PDE4B: variants seen among roughly 807,000 people sequenced by gnomAD.
PDE4B encodes 3',5'-cyclic-AMP phosphodiesterase 4B.
A neutral mutation model predicts 82.2 loss-of-function variants in PDE4B; 20 were observed. That is an observed-to-expected ratio of 0.24 (90% CI 0.17 to 0.35). The LOEUF is 0.35. Ranked by LOEUF, PDE4B falls within the 10% of genes least tolerant of loss-of-function variation. PDE4B has a pLI of 1.00. For synonymous variants in PDE4B, 320 were observed against 318.9 expected, an observed-to-expected ratio of 1.00 and a Z score of -0.04; for missense variants, 655 against 907.2, an observed-to-expected ratio of 0.72 and a Z score of 3.57.
chr1:66,297,570 G>T (rs998348682), intron 7 of PDE4B, among the ~76,000 whole-genome samples: 8 of 152,080 alleles, frequency 5.3e-5, no homozygotes, highest in Admixed American at 5.2e-4. Context: ...GTTTTACCTT[G>T]CTTTTACTTT....
intron 3 of PDE4B, among the ~76,000 whole-genome samples, chr1:66,008,136 G>A (rs1190571444): frequency 1.3e-5 from 2 of 152,102 alleles, no homozygotes; most frequent in Non-Finnish European, 2.9e-5. Context: ...GACTCATGGG[G>A]TTTAATTTGG....
intron 7 of PDE4B, among the ~76,000 whole-genome samples, chr1:66,294,797 A>T (rs1463021862): frequency 6.6e-6 from 1 of 152,126 alleles, no homozygotes; most frequent in Non-Finnish European, 1.5e-5. Flanking sequence ...TTAAAAGAGA[A>T]AGGGGAGGAA....
chr1:65,979,271 T>A (rs777701512), intron 3 of PDE4B, among the ~76,000 whole-genome samples: 9 of 152,218 alleles, frequency 5.9e-5, no homozygotes, highest in Non-Finnish European at 1.0e-4. Context: ...CAGCATATAG[T>A]ATTCTGTACA....
chr1:65,846,244 G>A (rs1646267019), intron 1 of PDE4B, among the ~76,000 whole-genome samples: 1 of 152,190 alleles, frequency 6.6e-6, no homozygotes. Flanking sequence ...TGAGGAGAAA[G>A]CACAGAGAGA....
intron 3 of PDE4B, among the ~76,000 whole-genome samples, chr1:65,949,633 C>A (rs1036667099): frequency 2.6e-5 from 4 of 152,050 alleles, no homozygotes; most frequent in African/African-American, 9.7e-5. Context: ...TTCTGCTTTA[C>A]CTGTCCCAAC....
At chr1:66,355,819 A>G (rs181414486) in intron 9 of PDE4B, among the ~76,000 whole-genome samples, 199 bp downstream of exon 9, 130 of 152,308 alleles carry the variant, frequency 8.5e-4, no homozygotes, top group African/African-American at 3.1e-3. Context: ...AAAAGAATTA[A>G]AATACCCATC....
intron 3 of PDE4B, among the ~76,000 whole-genome samples, chr1:66,033,876 C>T (rs1171024833): frequency 6.6e-6 from 1 of 151,774 alleles, no homozygotes; most frequent in Non-Finnish European, 1.5e-5. Context: ...GGTTGATTAG[C>T]ATTTCAAAGA....
rs144165849 is a variant in PDE4B, at chr1:66,221,657, T to G, written c.282-25803T>G. On this transcript the variant is annotated intron_variant, in intron 3 of 16. Transcript: ENST00000341517. ...AAACCAAGTGTCCTCATTATATATTTTATGTTTTTCTTTGCTTTCTTTCCT... is the reference window on the plus strand; with the variant it reads ...AAACCAAGTGTCCTCATTATATATTGTATGTTTTTCTTTGCTTTCTTTCCT... Among the ~76,000 whole-genome samples the G allele has an allele frequency of 1.1e-3, 166 of 152,274 alleles. 2 individuals are homozygous for G. Among genetic ancestry groups the G allele is most frequent in the South Asian group, 4.4e-3 (21 of 4,824 alleles).
At chr1:66,359,117 A>G (rs1247108175) in intron 9 of PDE4B, among the ~76,000 whole-genome samples, 1 of 152,216 alleles carries the variant, frequency 6.6e-6, no homozygotes, top group African/African-American at 2.4e-5. Flanking sequence ...TTTAGTTAAT[A>G]TTTTCATGAA....
intron 3 of PDE4B, among the ~76,000 whole-genome samples, chr1:65,999,859 A>G (rs1189979018): frequency 6.6e-6 from 1 of 152,152 alleles, no homozygotes; most frequent in East Asian, 1.9e-4. Flanking sequence ...TTTTTCCTAT[A>G]GCTTGATATG....
At chr1:66,351,004 GTATAT>G (rs1661777623) in intron 8 of PDE4B, among the ~76,000 whole-genome samples, 1 of 152,106 alleles carries the variant, frequency 6.6e-6, no homozygotes, top group Non-Finnish European at 1.5e-5. Flanking sequence ...TATAGAAAAG[GTATAT>G]TCTAGGCCAA....
chr1:66,124,700 C>A (rs1039896476), intron 3 of PDE4B, among the ~76,000 whole-genome samples: 3 of 152,064 alleles, frequency 2.0e-5, no homozygotes, highest in Non-Finnish European at 4.4e-5. Context: ...TCTAGTAATG[C>A]AGTTTTGTTC....
intron 12 of PDE4B, among the ~76,000 whole-genome samples, chr1:66,364,085 T>A (rs1663038570): frequency 6.6e-6 from 1 of 152,190 alleles, no homozygotes; most frequent in South Asian, 2.1e-4. Context: ...CAAAATATCT[T>A]GTTCAGTGTC....
At chr1:66,201,102 A>C (rs1428230520) in intron 3 of PDE4B, among the ~76,000 whole-genome samples, 1 of 152,226 alleles carries the variant, frequency 6.6e-6, no homozygotes, top group Non-Finnish European at 1.5e-5. Context: ...TATTGAGATA[A>C]TCATGTGGTT....
At chr1:66,200,671 G>T (rs1648824329) in intron 3 of PDE4B, among the ~76,000 whole-genome samples, 1 of 152,140 alleles carries the variant, frequency 6.6e-6, no homozygotes, top group Admixed American at 6.5e-5. Context: ...GTATAAGAAT[G>T]CTTGTGATTT....
intron 7 of PDE4B, among the ~76,000 whole-genome samples, chr1:66,328,122 T>A (rs1192260882): frequency 2.0e-5 from 3 of 152,256 alleles, no homozygotes; most frequent in African/African-American, 7.2e-5. Context: ...ATACCATATA[T>A]CATTAGCAGA....
In PDE4B at chr1:66,215,825, G is replaced by A. The variant is rs12045945; in HGVS notation, c.282-31635G>A. Among the ~76,000 whole-genome samples the A allele has an allele frequency of 0.013, 1,945 of 152,212 alleles. 92 individuals carry two copies. The East Asian group carries it at 0.15, about 12-fold the overall frequency. On this transcript the variant is annotated intron_variant, in intron 3 of 16. Transcript: ENST00000341517. ...TAGGCCTTGAAAGGAGAGCTAAAGG[G>A]ATGATACATCCCCAGACTCTGTCCC...
chr1:66,141,345 TA>T (rs1646167143), intron 3 of PDE4B, among the ~76,000 whole-genome samples: 2 of 141,090 alleles, frequency 1.4e-5, no homozygotes, highest in Non-Finnish European at 3.1e-5. Flanking sequence ...TATATATATA[TA>T]TATATATATA....
At chr1:66,126,222 T>C (rs1645820857) in intron 3 of PDE4B, among the ~76,000 whole-genome samples, 1 of 152,234 alleles carries the variant, frequency 6.6e-6, no homozygotes, top group Non-Finnish European at 1.5e-5. Context: ...TTAATTACTC[T>C]GCAGAGTAAG....
Sources: gnomAD v4.1 joint callset for allele counts (sites outside exome capture counted in the v4.1 genomes callset) on GRCh38, gnomAD v4.1.1 for gene constraint, MANE v1.5 for transcripts, NCBI Gene and HGNC (gene_info 2026-07-23, HGNC 2026-07-21) for gene names.